The following PGAP1 variants were observed in gnomAD, a reference collection of about 807,000 sequenced individuals.
PGAP1 encodes the protein post-GPI attachment to proteins inositol deacylase 1, also known as GPI inositol-deacylase.
In PGAP1, 76 loss-of-function variants were observed where a neutral mutation model predicts 127.0. The ratio of observed to expected loss-of-function variants is 0.60; its 90% CI spans 0.50 to 0.72. The LOEUF is 0.72. PGAP1 is among the 30% of genes least tolerant of loss of function. PGAP1 has a pLI of 0.00. For missense variants in PGAP1, 982 were observed against 1,071.3 expected (o/e 0.92, Z 1.16); for synonymous variants, 362 against 366.5 (o/e 0.99, Z 0.14).
In PGAP1 at chr2:196,841,391, A is replaced by C; in HGVS notation, c.2631-19T>G. 6.2e-7 allele frequency: 1 copy of C among 1,600,082 alleles called. No homozygotes were observed. On this transcript the variant is annotated intron_variant, in intron 26 of 26. Coordinates refer to ENST00000354764, the MANE Select transcript of PGAP1 (RefSeq NM_024989.4). Reference sequence around the variant, plus strand: ...CAATTTACTGTAAAGAGACAGAGAAATATACATTACTTATGTGAACTACAT... The same window carrying C: ...CAATTTACTGTAAAGAGACAGAGAACTATACATTACTTATGTGAACTACAT...
intron 19 of PGAP1, among the ~76,000 whole-genome samples, chr2:196,869,673 A>G (rs1043041182): frequency 6.6e-6 from 1 of 152,122 alleles, no homozygotes; most frequent in Non-Finnish European, 1.5e-5. Context: ...CCATGATGCT[A>G]TTTTCCAACT....
At chr2:196,903,090 T>C (rs2125827856) in intron 4 of PGAP1, among the ~76,000 whole-genome samples, 1 of 152,292 alleles carries the variant, frequency 6.6e-6, no homozygotes, top group Admixed American at 6.5e-5. Flanking sequence ...AATTCTAATA[T>C]TCTTCGAAAG....
intron 9 of PGAP1, 106 bp from the exon 10 acceptor site, chr2:196,891,017 C>T (rs1253316779): frequency 3.3e-6 from 2 of 613,376 alleles, no homozygotes; most frequent in Non-Finnish European, 5.9e-6. Context: ...TTCTATCATT[C>T]TTCTTGTTGT....
chr2:196,861,284 G>A lies in PGAP1; in HGVS notation c.1861+3703C>T, dbSNP rs572019912. On this transcript the variant is annotated intron_variant, in intron 20 of 26. Transcript: ENST00000354764. ...ACTGGTCTGGGCAAAAATTTTTTGG[G>A]TAAGACCTCAAAAGCACATACAATA... 5.3e-5 allele frequency among the ~76,000 whole-genome samples: 8 copies of A among 152,204 alleles called. 1 individual carries two copies. Among genetic ancestry groups the A allele is most frequent in the Admixed American group, 5.2e-4 (8 of 15,284 alleles).
intron 1 of PGAP1, chr2:196,922,117 A>G: frequency 7.9e-7 from 1 of 1,262,296 alleles, no homozygotes; most frequent in Non-Finnish European, 1.0e-6. Context: ...GTATTTAAAT[A>G]TTATCTCCAC....
chr2:196,838,980 GT>G lies in PGAP1; in HGVS notation c.*2253del, dbSNP rs1185170750. On this transcript the variant is annotated 3_prime_UTR_variant, in exon 27 of 27. Coordinates refer to ENST00000354764, the MANE Select transcript of PGAP1 (RefSeq NM_024989.4). ...CATCACTTGCACCTGGGAGGTGGAG[GT>G]TGCAGTGAGCTGAAATCGCGCCACT... The G allele has an allele frequency of 6.6e-6, 1 of 152,464 alleles. No individual in the cohort carries two copies. Among genetic ancestry groups the G allele is most frequent in the Non-Finnish European group, 1.5e-5 (1 of 68,188 alleles). 9.4% of individuals were successfully genotyped at this position (152,464 alleles called of 1,614,324 possible). A position where few individuals can be genotyped will look rare whatever the true frequency, so the allele number is the denominator to read the frequency against.
At position 196,882,032 on chromosome 2, in the gene PGAP1, G is replaced by A. The variant is rs954468216; in HGVS notation, c.1273-1879C>T. On this transcript the variant is annotated intron_variant, in intron 12 of 26. Coordinates refer to ENST00000354764, the MANE Select transcript of PGAP1 (RefSeq NM_024989.4). The stretch of plus-strand genomic sequence containing the variant: ...TCCTGAGTTAATTTTTGTATATGGT[G>A]TAAAGAAGAGGTCCACTTTCAACCT... 3.3e-5 allele frequency among the ~76,000 whole-genome samples: 5 copies of A among 152,124 alleles called. No individual in the cohort carries two copies. In the East Asian group the frequency reaches 5.8e-4, roughly 18 times the overall value.
chr2:196,890,825 T>C lies in PGAP1; in HGVS notation c.1173+3A>G. On this transcript the variant is annotated splice_donor_region_variant and intron_variant, in intron 10 of 26. Coordinates refer to ENST00000354764, the MANE Select transcript of PGAP1 (RefSeq NM_024989.4). ...TTTACATAAAATGTACCAATTATCT[T>C]ACCAGCATAGTGCTCTGACAATAGA... 6.6e-7 allele frequency: 1 copy of C among 1,513,500 alleles called. No individual in the cohort carries two copies. The highest frequency in any genetic ancestry group is 9.2e-7 in the Non-Finnish European group (1 of 1,091,734). 93.8% of individuals were successfully genotyped at this position (1,513,500 alleles called of 1,614,324 possible).
At chr2:196,896,477 T>C (rs1208007957) in intron 7 of PGAP1, among the ~76,000 whole-genome samples, 1 of 152,072 alleles carries the variant, frequency 6.6e-6, no homozygotes, top group East Asian at 1.9e-4. Context: ...TCTAATAAGA[T>C]AGATCATGAT....
intron 20 of PGAP1, among the ~76,000 whole-genome samples, chr2:196,859,188 G>A (rs1700983414): frequency 6.6e-6 from 1 of 152,008 alleles, no homozygotes; most frequent in Non-Finnish European, 1.5e-5. Context: ...TTAGCCAGGT[G>A]TGGTGGCACA....
At chr2:196,918,218 T>C (rs1449356650) in intron 2 of PGAP1, among the ~76,000 whole-genome samples, 1 of 152,116 alleles carries the variant, frequency 6.6e-6, no homozygotes, top group Non-Finnish European at 1.5e-5. Flanking sequence ...ACAATTCTGG[T>C]GTTGTAAAAG....
At chr2:196,918,626 T>G (rs1703088440) in intron 2 of PGAP1, among the ~76,000 whole-genome samples, 1 of 152,134 alleles carries the variant, frequency 6.6e-6, no homozygotes, top group African/African-American at 2.4e-5. Context: ...AAAAACAGCC[T>G]CATATACATA....
At chr2:196,856,980 T>C (rs1435723054) in intron 20 of PGAP1, among the ~76,000 whole-genome samples, 1 of 152,098 alleles carries the variant, frequency 6.6e-6, no homozygotes, top group African/African-American at 2.4e-5. Context: ...GTTAGCTATA[T>C]TCCTAGGTAT....
intron 1 of PGAP1, among the ~76,000 whole-genome samples, chr2:196,923,286 A>G (rs1338908882): frequency 6.6e-6 from 1 of 152,212 alleles, no homozygotes; most frequent in African/African-American, 2.4e-5. Context: ...ACCTTCACAT[A>G]TACTATTTAT....
intron 20 of PGAP1, among the ~76,000 whole-genome samples, chr2:196,858,973 C>T (rs1202089284): frequency 2.0e-5 from 3 of 152,006 alleles, no homozygotes; most frequent in Non-Finnish European, 2.9e-5. Context: ...AATTCTTGGA[C>T]ACATCCAGCC....
chr2:196,871,059 A>G lies in PGAP1; in HGVS notation c.1729-80T>C, dbSNP rs561344625. 5.4e-4 allele frequency: 517 copies of G among 956,774 alleles called. 5 individuals carry two copies. The highest frequency in any genetic ancestry group is 4.8e-3 in the South Asian group (346 of 71,918). 59.3% of individuals were successfully genotyped at this position (956,774 alleles called of 1,614,324 possible). A position where few individuals can be genotyped will look rare whatever the true frequency, so the allele number is the denominator to read the frequency against. ...ATTTTATTAAATTGAGCACTTATGCATATCTCTAAGCATAATAATTGATTT... is the reference window on the plus strand; with the variant it reads ...ATTTTATTAAATTGAGCACTTATGCGTATCTCTAAGCATAATAATTGATTT... On this transcript the variant is annotated intron_variant, in intron 18 of 26. Transcript: ENST00000354764.
At chr2:196,897,320 A>C in intron 6 of PGAP1, 123 bp from the exon 7 acceptor site, 1 of 479,050 alleles carries the variant, frequency 2.1e-6, no homozygotes, top group Non-Finnish European at 3.7e-6. Context: ...AAACTCAAAA[A>C]TTATGTAACA....
At position 196,834,581 on chromosome 2, in the gene PGAP1, T is replaced by A. The variant is rs1402676098; in HGVS notation, c.*6653A>T. ...ATAGCCAGTCATAAGCTTCAGAAAC[T>A]ATAATACAATCACTTCAAAATAATA... On this transcript the variant is annotated 3_prime_UTR_variant, in exon 27 of 27. Coordinates refer to ENST00000354764, the MANE Select transcript of PGAP1 (RefSeq NM_024989.4). 6.6e-6 allele frequency: 1 copy of A among 152,472 alleles called. No individual in the cohort carries two copies. The highest frequency in any genetic ancestry group is 1.9e-4 in the East Asian group (1 of 5,206). The allele number at this position is 152,472 out of a possible 1,614,324, so 9.4% of individuals were successfully genotyped here.
chr2:196,878,068 G>A (rs73064962), intron 13 of PGAP1, among the ~76,000 whole-genome samples: 15,353 of 151,982 alleles, frequency 0.1, 930 homozygotes, highest in African/African-American at 0.17. Context: ...AGGGGAGTCC[G>A]AAGGGCCCTT....
Sources: gnomAD v4.1 joint callset for allele counts (sites outside exome capture counted in the v4.1 genomes callset) on GRCh38, gnomAD v4.1.1 for gene constraint, MANE v1.5 for transcripts, NCBI Gene and HGNC (gene_info 2026-07-23, HGNC 2026-07-21) for gene names.